The following GABRG3 variants were observed in gnomAD, a reference collection of about 807,000 sequenced individuals.
GABRG3 encodes gamma-aminobutyric acid receptor subunit gamma-3.
A neutral mutation model predicts 48.8 loss-of-function variants in GABRG3; 25 were observed. That is an observed-to-expected ratio of 0.51 (90% CI 0.37 to 0.72). The LOEUF (loss-of-function observed/expected upper bound fraction) is 0.72. Among genes scored for constraint, GABRG3 ranks in the 30% least tolerant of loss-of-function variants. The pLI, the probability that GABRG3 is intolerant of heterozygous loss-of-function variation, is 0.00. For synonymous variants in GABRG3, 227 were observed against 217.6 expected, an observed-to-expected ratio of 1.04 and a Z score of -0.38; for missense variants, 394 against 577.9, an observed-to-expected ratio of 0.68 and a Z score of 3.26.
chr15:27,084,849 T>C lies in GABRG3; in HGVS notation c.270+58028T>C, dbSNP rs1388361723. ...CTCTCTGAAGAGCTGCTTCCTGGGC[T>C]CTTCAGAGCCCCCTGCAAACAGATG... On this transcript the variant is annotated intron_variant, in intron 3 of 9. Transcript: ENST00000615808. 2.6e-5 allele frequency among the ~76,000 whole-genome samples: 4 copies of C among 152,248 alleles called. No individual in the cohort carries two copies. In the East Asian group the frequency reaches 7.7e-4, roughly 29 times the overall value.
intron 5 of GABRG3, among the ~76,000 whole-genome samples, chr15:27,468,217 A>G (rs1889676673): frequency 6.6e-6 from 1 of 152,246 alleles, no homozygotes; most frequent in Admixed American, 6.5e-5. Flanking sequence ...TCACAAGGTG[A>G]AAAGTACACA....
At chr15:27,519,866 C>T (rs932450125) in intron 6 of GABRG3, 106 bp from the exon 7 acceptor site, 3 of 783,656 alleles carry the variant, frequency 3.8e-6, no homozygotes, top group African/African-American at 3.5e-5. Context: ...TGTAGTTGTG[C>T]ATTTTTATCC....
At position 27,252,144 on chromosome 15, in the gene GABRG3, ATTGT is replaced by A. The variant is rs575451915; in HGVS notation, c.271-74660_271-74657del. Among the ~76,000 whole-genome samples, 778 of 151,988 alleles carry A rather than the reference ATTGT, an allele frequency of 5.1e-3. 3 individuals carry two copies. The highest frequency in any genetic ancestry group is 9.1e-3 in the Non-Finnish European group (618 of 67,952). On this transcript the variant is annotated intron_variant, in intron 3 of 9. Transcript: ENST00000615808. ...TGTGAAATCGGGGGACACGAGGGTG[ATTGT>A]TTGTGAAATCGGGGGACATAAGGAT...
At chr15:27,200,698 A>G (rs899110449) in intron 3 of GABRG3, among the ~76,000 whole-genome samples, 1 of 152,178 alleles carries the variant, frequency 6.6e-6, no homozygotes, top group Non-Finnish European at 1.5e-5. Context: ...TACTACGGCC[A>G]GGCAGTGAAA....
intron 5 of GABRG3, among the ~76,000 whole-genome samples, chr15:27,372,843 A>G (rs1160985087): frequency 6.6e-6 from 1 of 152,150 alleles, no homozygotes; most frequent in African/African-American, 2.4e-5. Flanking sequence ...CAGTCCCAGA[A>G]CACTGTACCT....
chr15:27,401,708 A>G (rs551852853), intron 5 of GABRG3, among the ~76,000 whole-genome samples: 19 of 152,298 alleles, frequency 1.2e-4, no homozygotes, highest in African/African-American at 4.3e-4. Flanking sequence ...CTGTAGATTA[A>G]CTGTGTTCTC....
intron 5 of GABRG3, among the ~76,000 whole-genome samples, chr15:27,462,978 T>C (rs370411004): frequency 6.6e-6 from 1 of 152,264 alleles, no homozygotes; most frequent in East Asian, 1.9e-4. Context: ...GCTTTAGTGA[T>C]ATATGAAGGA....
At chr15:27,240,482 T>C (rs1045769461) in intron 3 of GABRG3, among the ~76,000 whole-genome samples, 2 of 152,240 alleles carry the variant, frequency 1.3e-5, no homozygotes, top group African/African-American at 2.4e-5. Context: ...TTAGTTAATA[T>C]GTTATAAGTC....
chr15:27,154,460 A>G (rs1227123588), intron 3 of GABRG3, among the ~76,000 whole-genome samples: 2 of 152,148 alleles, frequency 1.3e-5, no homozygotes, highest in Non-Finnish European at 1.5e-5. Flanking sequence ...ATTACCTGCA[A>G]TGTTTACTCT....
At chr15:27,224,090 G>C (rs1037684896) in intron 3 of GABRG3, among the ~76,000 whole-genome samples, 1 of 152,138 alleles carries the variant, frequency 6.6e-6, no homozygotes, top group Non-Finnish European at 1.5e-5. Context: ...GGTGATGTAC[G>C]TGGAAGCCGT....
intron 5 of GABRG3, among the ~76,000 whole-genome samples, chr15:27,372,415 CAG>C (rs975619398): frequency 6.6e-6 from 1 of 152,030 alleles, no homozygotes; most frequent in African/African-American, 2.4e-5. Context: ...TTTTTAGAAA[CAG>C]GGTCTCGCTC....
intron 3 of GABRG3, among the ~76,000 whole-genome samples, chr15:27,285,269 GT>G (rs1276923662): frequency 7.6e-5 from 9 of 118,566 alleles, no homozygotes; most frequent in African/African-American, 5.0e-4. Context: ...GTGTGTGTGT[GT>G]GTGTGTGTGT....
intron 5 of GABRG3, among the ~76,000 whole-genome samples, chr15:27,340,193 A>G (rs770236219): frequency 6.6e-6 from 1 of 152,154 alleles, no homozygotes; most frequent in Non-Finnish European, 1.5e-5. Flanking sequence ...TTAGCTCAGA[A>G]AGCGTACAAC....
At chr15:27,244,301 G>A (rs1419928684) in intron 3 of GABRG3, among the ~76,000 whole-genome samples, 1 of 152,176 alleles carries the variant, frequency 6.6e-6, no homozygotes, top group Non-Finnish European at 1.5e-5. Context: ...CAAGGTATGG[G>A]CGAGGATGGG....
chr15:27,305,376 A>G (rs1892363973), intron 3 of GABRG3, among the ~76,000 whole-genome samples: 1 of 151,130 alleles, frequency 6.6e-6, no homozygotes, highest in African/African-American at 2.4e-5. Context: ...AAAATAAAGA[A>G]ATAGAGAGTC....
rs1891304676 is a variant in GABRG3 at position 27,527,443 on chromosome 15, G to A, written c.876G>A (p.Thr292=). 2.5e-6 allele frequency: 4 copies of A among 1,613,450 alleles called. No individual in the cohort carries two copies. The Admixed American group carries it at 5.0e-5, about 20-fold the overall frequency. ...TPARTALGIT[T]VLTMTTLSTI... ...CCGTCCCCTGTTCAGGCATCACCACGGTGCTGACCATGACCACCCTGAGCA... is the reference window on the plus strand; with the variant it reads ...CCGTCCCCTGTTCAGGCATCACCACAGTGCTGACCATGACCACCCTGAGCA... Residue 292 remains threonine (T), a synonymous_variant, in exon 8 of 10, where the codon ACG becomes ACA. Coordinates refer to ENST00000615808, the MANE Select transcript of GABRG3 (RefSeq NM_033223.5).
Position 27,104,206 on chromosome 15 carries a change from C to T in GABRG3, c.270+77385C>T, listed in dbSNP as rs112611508. Among the ~76,000 whole-genome samples the T allele has an allele frequency of 8.1e-3, 1,233 of 152,318 alleles. 11 individuals carry two copies. The highest frequency in any genetic ancestry group is 0.037 in the Middle Eastern group (11 of 294). On this transcript the variant is annotated intron_variant, in intron 3 of 9. Transcript: ENST00000615808. ...TCTGTTTTTAGGATCTTTAGCTATT[C>T]TGCCTCAAAACAATTTCACTAATTT...
rs576617478 is a variant in GABRG3, at chr15:27,236,102, A to AT, written c.271-90702dup. Among the ~76,000 whole-genome samples the AT allele has an allele frequency of 1.6e-3, 242 of 152,218 alleles. 4 individuals are homozygous for AT. Among genetic ancestry groups the AT allele is most frequent in the East Asian group, 0.015 (78 of 5,186 alleles). On this transcript the variant is annotated intron_variant, in intron 3 of 9. Transcript: ENST00000615808. The surrounding 1 kb of genome is among the most constrained non-coding windows in gnomAD (Gnocchi z 4.4). ...ATATTCTGGTCTCCTAGTTATATAT[A>AT]TTTTTGGCTGGTGTGTCCTGAGCCC...
At chr15:26,996,054 T>G (rs1445627295) in intron 2 of GABRG3, among the ~76,000 whole-genome samples, 1 of 152,120 alleles carries the variant, frequency 6.6e-6, no homozygotes, top group African/African-American at 2.4e-5. Flanking sequence ...TTAAATATAT[T>G]TTATTATTGT....
Sources: gnomAD v4.1 joint callset for allele counts (sites outside exome capture counted in the v4.1 genomes callset) on GRCh38, gnomAD v4.1.1 for gene constraint, Gnocchi (gnomAD v3.1) non-coding constraint, MANE v1.5 for transcripts, NCBI Gene and HGNC (gene_info 2026-07-23, HGNC 2026-07-21) for gene names.